The following TMEM14A variants were observed in gnomAD, a reference collection of about 807,000 sequenced individuals.
TMEM14A encodes the protein transmembrane protein 14A.
TMEM14A carries 8 observed loss-of-function variants against 11.6 expected under a neutral mutation model. The observed-to-expected ratio is 0.69, with a 90% CI of 0.40 to 1.24. TMEM14A has a LOEUF of 1.24. Ranked by LOEUF, TMEM14A falls within the 50% of genes most tolerant of loss-of-function variation. TMEM14A has a pLI of 0.01. For missense variants in TMEM14A, 108 were observed against 121.9 expected, an observed-to-expected ratio of 0.89 and a Z score of 0.54; for synonymous variants, 34 against 45.5, an observed-to-expected ratio of 0.75 and a Z score of 1.02.
intron 1 of TMEM14A, among the ~76,000 whole-genome samples, chr6:52,673,930 G>C (rs188794906): frequency 6.6e-6 from 1 of 152,336 alleles, no homozygotes; most frequent in East Asian, 1.9e-4. Context: ...GCTTAAAATA[G>C]GTGTAAGGGT....
intron 4 of TMEM14A, among the ~76,000 whole-genome samples, chr6:52,685,535 A>G (rs1769475948): frequency 6.6e-6 from 1 of 151,920 alleles, no homozygotes; most frequent in Admixed American, 6.6e-5. Flanking sequence ...CAGTGAGCCG[A>G]GACTGCGTCA....
rs770363120 is a variant in TMEM14A at position 52,686,037 on chromosome 6, G to A, written c.288G>A (p.Leu96=). The A allele has an allele frequency of 1.2e-6, 2 of 1,611,638 alleles. No homozygotes were observed. Among genetic ancestry groups the A allele is most frequent in the Non-Finnish European group, 1.7e-6 (2 of 1,178,976 alleles). The change falls in exon 5 of 5, where the codon TTG becomes TTA. Residue 96 remains leucine, a synonymous_variant. Coordinates refer to ENST00000211314, the MANE Select transcript of TMEM14A (RefSeq NM_014051.4). ...LSLMMILRLV[L]LLL is the part of the protein sequence containing the mutation. ...TCATGATGATCCTGAGACTTGTCTT[G>A]TTGCTGCTCTGAGCATCTGGAGGAA...
chr6:52,683,485 A>ACAACAACAACAAC (rs199587577), intron 3 of TMEM14A, among the ~76,000 whole-genome samples: 7 of 86,634 alleles, frequency 8.1e-5, no homozygotes, highest in Non-Finnish European at 1.7e-4. Flanking sequence ...AACAACAACA[A>ACAACAACAACAAC]AAAAAAAAAA....
At chr6:52,678,329 T>TGTGTGTGTGTG (rs1769301533) in intron 2 of TMEM14A, among the ~76,000 whole-genome samples, 2 of 30,140 alleles carry the variant, frequency 6.6e-5, no homozygotes, top group African/African-American at 1.8e-4. Flanking sequence ...ATGTGTGTGT[T>TGTGTGTGTGTG]TGTGTGTGTG....
At chr6:52,676,723 G>T (rs900731335) in intron 1 of TMEM14A, among the ~76,000 whole-genome samples, 5 of 152,200 alleles carry the variant, frequency 3.3e-5, no homozygotes, top group African/African-American at 7.2e-5. Context: ...AGGCGTGGCT[G>T]GAGAAGCCTC....
At chr6:52,675,652 T>G (rs186592076) in intron 1 of TMEM14A, among the ~76,000 whole-genome samples, 1 of 152,250 alleles carries the variant, frequency 6.6e-6, no homozygotes, top group Non-Finnish European at 1.5e-5. Context: ...TGGGGCTATA[T>G]TGTATTCTTT....
At chr6:52,680,704 T>TATATATATATACATACACAC (rs371102796) in intron 2 of TMEM14A, among the ~76,000 whole-genome samples, 19 of 51,100 alleles carry the variant, frequency 3.7e-4, no homozygotes, top group Non-Finnish European at 5.7e-4. Context: ...TATATATATA[T>TATATATATATACATACACAC]ACACATATAT....
chr6:52,682,413 A>C (rs1249792358), intron 3 of TMEM14A, among the ~76,000 whole-genome samples: 1 of 152,230 alleles, frequency 6.6e-6, no homozygotes, highest in East Asian at 1.9e-4. Flanking sequence ...CTGTGTGTTT[A>C]AAGTCACCAG....
At chr6:52,672,465 G>C (rs543952570) in intron 1 of TMEM14A, among the ~76,000 whole-genome samples, 1,965 of 152,190 alleles carry the variant, frequency 0.013, 45 homozygotes, top group African/African-American at 0.044. Context: ...ATGTAAGGGT[G>C]TTTTCCGGAC....
intron 1 of TMEM14A, among the ~76,000 whole-genome samples, chr6:52,674,952 T>A (rs933601994): frequency 6.6e-6 from 1 of 151,212 alleles, no homozygotes; most frequent in Admixed American, 6.6e-5. Context: ...TCACAGTTGA[T>A]TGCAACCTCT....
Position 52,680,691 on chromosome 6 carries a change from G to GTGTATATATATATATATATATA in TMEM14A, c.71-1121_71-1120insGTATATATATATATATATATAT, listed in dbSNP as rs758417981. ...TGTGTATATATATATATACATATAT[G>GTGTATATATATATATATATATA]TATATATATATATACACATATATAT... On this transcript the variant is annotated intron_variant, in intron 2 of 4. Transcript: ENST00000211314. 8.8e-4 allele frequency among the ~76,000 whole-genome samples: 31 copies of GTGTATATATATATATATATATA among 35,296 alleles called. 1 individual carries two copies. The highest frequency in any genetic ancestry group is 3.2e-3 in the East Asian group (3 of 946). 23.2% of individuals were successfully genotyped at this position (35,296 alleles called of 152,430 possible). A position where few individuals can be genotyped will look rare whatever the true frequency, so the allele number is the denominator to read the frequency against.
Position 52,681,931 on chromosome 6 carries a change from T to C in TMEM14A, c.172+17T>C, listed in dbSNP as rs1372465613. The C allele has an allele frequency of 1.2e-6, 2 of 1,605,616 alleles. No homozygotes were observed. Among genetic ancestry groups the C allele is most frequent in the African/African-American group, 2.7e-5 (2 of 74,724 alleles). On this transcript the variant is annotated intron_variant, in intron 3 of 4. Coordinates refer to ENST00000211314, the MANE Select transcript of TMEM14A (RefSeq NM_014051.4). ...TGTCACTGTGTAAGTAAGGCATTTT[T>C]CCTGGTTACAGAGACTCAAACATTG...
chr6:52,672,998 C>T, intron 1 of TMEM14A, among the ~76,000 whole-genome samples: 1 of 152,202 alleles, frequency 6.6e-6, no homozygotes, highest in Non-Finnish European at 1.5e-5. Flanking sequence ...TCTTTCTCAC[C>T]AGCACCCTCT....
At chr6:52,672,904 G>T (rs2127261151) in intron 1 of TMEM14A, among the ~76,000 whole-genome samples, 1 of 152,278 alleles carries the variant, frequency 6.6e-6, no homozygotes, top group Middle Eastern at 3.4e-3. Context: ...AAATCTGATT[G>T]TGAGGCTCCC....
chr6:52,676,220 G>A (rs1156652638), intron 1 of TMEM14A, among the ~76,000 whole-genome samples: 1 of 152,118 alleles, frequency 6.6e-6, no homozygotes, highest in Non-Finnish European at 1.5e-5. Context: ...TGAGGATGAA[G>A]GGGAAAGTAG....
At chr6:52,680,863 G>GTA (rs1269340733) in intron 2 of TMEM14A, among the ~76,000 whole-genome samples, 1 of 148,434 alleles carries the variant, frequency 6.7e-6, no homozygotes, top group Non-Finnish European at 1.5e-5. Context: ...GCTCTGGTGT[G>GTA]TGTGTGTGTG....
chr6:52,686,091 G>A lies in TMEM14A; in HGVS notation c.*42G>A. The stretch of plus-strand genomic sequence containing the variant: ...AAAACTAAGTTCATGTCATCCTGCT[G>A]TAATGGGCAGAGCATATTTTTTTTG... On this transcript the variant is annotated 3_prime_UTR_variant, in exon 5 of 5. Transcript: ENST00000211314. 1.3e-6 allele frequency: 2 copies of A among 1,576,438 alleles called. No individual in the cohort carries two copies. Among genetic ancestry groups the A allele is most frequent in the Non-Finnish European group, 1.7e-6 (2 of 1,159,298 alleles).
intron 1 of TMEM14A, among the ~76,000 whole-genome samples, chr6:52,674,889 CTTTTTT>C (rs35094326): frequency 1.3e-4 from 18 of 139,444 alleles, no homozygotes; most frequent in East Asian, 4.1e-4. Context: ...AATTCTTCTT[CTTTTTT>C]TTTTTTTTTT....
At chr6:52,675,919 A>G (rs1769248536) in intron 1 of TMEM14A, among the ~76,000 whole-genome samples, 1 of 152,208 alleles carries the variant, frequency 6.6e-6, no homozygotes, top group Non-Finnish European at 1.5e-5. Context: ...AGAGTCAAGG[A>G]AATTAGGAGG....
Sources: gnomAD v4.1 joint callset for allele counts (sites outside exome capture counted in the v4.1 genomes callset) on GRCh38, gnomAD v4.1.1 for gene constraint, MANE v1.5 for transcripts, NCBI Gene and HGNC (gene_info 2026-07-23, HGNC 2026-07-21) for gene names.